CNTN5: variants seen among roughly 807,000 people sequenced by gnomAD.
CNTN5 encodes the protein contactin-5.
CNTN5 carries 77 observed loss-of-function variants against 129.1 expected under a neutral mutation model. The ratio of observed to expected loss-of-function variants is 0.60; its 90% CI spans 0.50 to 0.72. The LOEUF (loss-of-function observed/expected upper bound fraction) is 0.72. Ranked by LOEUF, CNTN5 falls within the 30% of genes least tolerant of loss-of-function variation. The pLI is 0.00. For missense variants in CNTN5, 1,478 were observed against 1,328.8 expected (o/e 1.11, Z -1.75); for synonymous variants, 509 against 465.6 (o/e 1.09, Z -1.20).
At chr11:99,798,347 C>T (rs1450621951) in intron 3 of CNTN5, among the ~76,000 whole-genome samples, 2 of 152,180 alleles carry the variant, frequency 1.3e-5, no homozygotes, top group African/African-American at 4.8e-5. Flanking sequence ...TAAATTGTTC[C>T]TCAAGTCTAC....
rs553115952 is a variant in CNTN5, at chr11:99,159,092, AT to A, written c.-210+137823del. 2.8e-4 allele frequency among the ~76,000 whole-genome samples: 42 copies of A among 152,314 alleles called. No homozygotes were observed. In the South Asian group the frequency reaches 8.7e-3, roughly 32 times the overall value. On this transcript the variant is annotated intron_variant, in intron 1 of 24. Transcript: ENST00000524871. ...AGGTCTCAGATTTCTCACATAAAGCATGGAAATAATAACATAATGACTTTAT... is the reference window on the plus strand; with the variant it reads ...AGGTCTCAGATTTCTCACATAAAGCAGGAAATAATAACATAATGACTTTAT...
chr11:99,753,843 A>G (rs930312039), intron 3 of CNTN5, among the ~76,000 whole-genome samples: 3 of 151,302 alleles, frequency 2.0e-5, no homozygotes, highest in Non-Finnish European at 2.9e-5. Flanking sequence ...GTGTGCCACC[A>G]CACCCAACTA....
intron 1 of CNTN5, among the ~76,000 whole-genome samples, chr11:99,304,861 C>G (rs1358568071): frequency 6.6e-6 from 1 of 152,062 alleles, no homozygotes; most frequent in Non-Finnish European, 1.5e-5. Context: ...ATTTTGACTC[C>G]CTACGAGTTG....
rs142142658 is a variant in CNTN5, at chr11:99,595,978, C to T, written c.55+39709C>T. Among the ~76,000 whole-genome samples, 7 of 152,202 alleles carry T rather than the reference C, an allele frequency of 4.6e-5. No homozygotes were observed. The East Asian group carries it at 1.4e-3, about 29-fold the overall frequency. ...ACATGCAGAATCTTAACCCAATCTACAGACTCCGAAATTTGCATTTCAGCA... is the reference window on the plus strand; with the variant it reads ...ACATGCAGAATCTTAACCCAATCTATAGACTCCGAAATTTGCATTTCAGCA... On this transcript the variant is annotated intron_variant, in intron 3 of 24. Coordinates refer to ENST00000524871, the MANE Select transcript of CNTN5 (RefSeq NM_014361.4).
At chr11:99,246,296 C>G in intron 1 of CNTN5, among the ~76,000 whole-genome samples, 1 of 124,572 alleles carries the variant, frequency 8.0e-6, no homozygotes, top group South Asian at 2.8e-4. Context: ...AATTACACTA[C>G]CCACACATTA....
At chr11:99,483,174 C>CAAAAAAA (rs34200342) in intron 2 of CNTN5, among the ~76,000 whole-genome samples, 1 of 59,542 alleles carries the variant, frequency 1.7e-5, no homozygotes, top group Non-Finnish European at 2.8e-5. Context: ...GACTCCTTCT[C>CAAAAAAA]AAAAAAAAAA....
At chr11:100,165,124 C>A (rs1947586585) in intron 13 of CNTN5, among the ~76,000 whole-genome samples, 1 of 150,860 alleles carries the variant, frequency 6.6e-6, no homozygotes, top group African/African-American at 2.4e-5. Flanking sequence ...TGGGTGGCAG[C>A]AAAAATAAAA....
chr11:99,904,008 T>C (rs911294067), intron 6 of CNTN5, among the ~76,000 whole-genome samples: 3 of 152,126 alleles, frequency 2.0e-5, no homozygotes, highest in East Asian at 1.9e-4. Context: ...AAGGCAAATA[T>C]AACAGATGCT....
chr11:99,061,851 G>A (rs1185512333), intron 1 of CNTN5, among the ~76,000 whole-genome samples: 2 of 151,896 alleles, frequency 1.3e-5, no homozygotes, highest in African/African-American at 4.8e-5. Context: ...AAATAGGCGG[G>A]CATGGTGTCA....
At chr11:99,158,191 A>G (rs926738656) in intron 1 of CNTN5, among the ~76,000 whole-genome samples, 8 of 152,036 alleles carry the variant, frequency 5.3e-5, no homozygotes, top group African/African-American at 1.9e-4. Flanking sequence ...TGGTATGTAA[A>G]TTTCACATGT....
At chr11:100,305,287 GGAGT>G (rs1316642713) in intron 20 of CNTN5, among the ~76,000 whole-genome samples, 1 of 151,492 alleles carries the variant, frequency 6.6e-6, no homozygotes, top group Non-Finnish European at 1.5e-5. Flanking sequence ...AAAGCACATA[GGAGT>G]GAGGTAAGAA....
chr11:99,628,763 A>G (rs1269568435), intron 3 of CNTN5, among the ~76,000 whole-genome samples: 2 of 152,008 alleles, frequency 1.3e-5, no homozygotes, highest in African/African-American at 4.8e-5. Context: ...ACTGGCATCA[A>G]TTACTTCTGT....
At chr11:99,398,304 T>G (rs983394482) in intron 2 of CNTN5, among the ~76,000 whole-genome samples, 1 of 152,002 alleles carries the variant, frequency 6.6e-6, no homozygotes, top group African/African-American at 2.4e-5. Flanking sequence ...TTTCCTGAAT[T>G]TATTCTATAC....
At chr11:100,159,697 G>T (rs564435548) in intron 13 of CNTN5, among the ~76,000 whole-genome samples, 13 of 151,978 alleles carry the variant, frequency 8.6e-5, no homozygotes, top group African/African-American at 1.7e-4. Flanking sequence ...GGGTGACAAA[G>T]GTCGTTAGGT....
chr11:99,443,922 G>A (rs1565586830), intron 2 of CNTN5, among the ~76,000 whole-genome samples: 1 of 152,132 alleles, frequency 6.6e-6, no homozygotes. Flanking sequence ...ATATAGGTGG[G>A]TGCCGTGGCT....
At chr11:99,974,330 C>G (rs1937788914) in intron 8 of CNTN5, among the ~76,000 whole-genome samples, 1 of 152,142 alleles carries the variant, frequency 6.6e-6, no homozygotes, top group East Asian at 1.9e-4. Flanking sequence ...GGGACAGGCA[C>G]AAGGTCATAG....
chr11:99,815,560 G>T (rs957358936), intron 3 of CNTN5, among the ~76,000 whole-genome samples: 3 of 152,114 alleles, frequency 2.0e-5, no homozygotes, highest in African/African-American at 7.2e-5. Context: ...AATGGAAATG[G>T]TAATGCAGGG....
At chr11:100,098,502 T>C (rs1945096684) in intron 13 of CNTN5, among the ~76,000 whole-genome samples, 1 of 152,066 alleles carries the variant, frequency 6.6e-6, no homozygotes, top group Non-Finnish European at 1.5e-5. Context: ...AGATTTACTC[T>C]ATTAGGAAAT....
At chr11:100,148,603 G>C (rs1018001833) in intron 13 of CNTN5, among the ~76,000 whole-genome samples, 1 of 152,170 alleles carries the variant, frequency 6.6e-6, no homozygotes, top group Non-Finnish European at 1.5e-5. Context: ...CCACTGCCCT[G>C]TTGGCCTCTT....
Sources: gnomAD v4.1 joint callset for allele counts (sites outside exome capture counted in the v4.1 genomes callset) on GRCh38, gnomAD v4.1.1 for gene constraint, MANE v1.5 for transcripts, NCBI Gene and HGNC (gene_info 2026-07-23, HGNC 2026-07-21) for gene names.